The following NARF variants were observed in gnomAD, a reference collection of about 807,000 sequenced individuals.
NARF encodes nuclear prelamin A recognition factor.
NARF carries 41 observed loss-of-function variants against 48.0 expected under a neutral mutation model. The ratio of observed to expected loss-of-function variants is 0.85; its 90% CI spans 0.66 to 1.11. NARF has a LOEUF of 1.11. Ranked by LOEUF, NARF falls within the 50% of genes least tolerant of loss-of-function variation. NARF has a pLI of 0.00. For synonymous variants in NARF, 215 were observed against 225.5 expected, an observed-to-expected ratio of 0.95 and a Z score of 0.42; for missense variants, 613 against 590.2, an observed-to-expected ratio of 1.04 and a Z score of -0.40.
intron 6 of NARF, chr17:82,480,488 A>C (rs1241645759): frequency 2.5e-6 from 1 of 402,008 alleles, no homozygotes; most frequent in Non-Finnish European, 4.4e-6. Flanking sequence ...GTTTGGGAGG[A>C]CCACACCCAG....
intron 1 of NARF, chr17:82,459,103 G>C (rs2043363294): frequency 8.4e-7 from 1 of 1,186,766 alleles, no homozygotes; most frequent in African/African-American, 1.6e-5. Flanking sequence ...CGAGCCTCTC[G>C]TGCCGCGCAC....
At position 82,488,002 on chromosome 17, in the gene NARF, G is replaced by A. The variant is rs1337850435; in HGVS notation, c.1216G>A (p.Asp406Asn). The change falls in exon 11 of 11, where the codon GAC becomes AAC. Residue 406 changes from aspartate (D) to asparagine (N), a missense_variant. By Grantham distance (23) the Asp-to-Asn change is conservative. Coordinates refer to ENST00000309794, the MANE Select transcript of NARF (RefSeq NM_012336.4). ...GCGGCAGATGGAAGGCATTTACGCT[G>A]ACATCCCTGTGCGGCGTCCGGAGTC... The part of the protein sequence containing the change: ...LLRQMEGIYA[D>N]IPVRRPESSA... The A allele has an allele frequency of 2.5e-6, 4 of 1,614,070 alleles. No homozygotes were observed. Among genetic ancestry groups the A allele is most frequent in the Admixed American group, 3.3e-5 (2 of 60,006 alleles).
rs150591186 is a variant in NARF, at chr17:82,480,261, A to C, written c.640-821A>C. On this transcript the variant is annotated intron_variant, in intron 6 of 10. Coordinates refer to ENST00000309794, the MANE Select transcript of NARF (RefSeq NM_012336.4). ...GGGCATCGCTTGGGAAGATTCAGGA[A>C]AGTCTGTGGGTGAAGTAGCCAGCGC... is the stretch of plus-strand genomic sequence containing the variant. 92 of 393,946 alleles carry C rather than the reference A, an allele frequency of 2.3e-4. 1 individual carries two copies. The Middle Eastern group carries it at 8.0e-3, about 34-fold the overall frequency. 24.4% of individuals were successfully genotyped at this position (393,946 alleles called of 1,614,324 possible). A position where few individuals can be genotyped will look rare whatever the true frequency, so the allele number is the denominator to read the frequency against.
Position 82,469,034 on chromosome 17 carries a change from T to C in NARF, c.385+138T>C, listed in dbSNP as rs973126704. ...AGTCTCTTGGAACGTAAAAAGACCA[T>C]GTCCCGTGTGTCATGAAACCCAGCC... On this transcript the variant is annotated intron_variant, in intron 4 of 10. Transcript: ENST00000309794. 6.5e-6 allele frequency: 6 copies of C among 928,020 alleles called. No homozygotes were observed. In the African/African-American group the frequency reaches 8.4e-5, roughly 13 times the overall value. 57.5% of individuals were successfully genotyped at this position (928,020 alleles called of 1,614,324 possible).
intron 7 of NARF, 144 bp downstream of exon 7, chr17:82,481,355 G>T: frequency 7.9e-7 from 1 of 1,263,016 alleles, no homozygotes; most frequent in Non-Finnish European, 1.1e-6. Context: ...ACAGCTGAGG[G>T]TCCTAGGGGC....
At chr17:82,458,707 G>C, upstream of NARF, 1 of 1,400,772 alleles carries the variant, frequency 7.1e-7, no homozygotes. Context: ...CGTCGGGGGA[G>C]GACAACAAAG....
intron 6 of NARF, among the ~76,000 whole-genome samples, chr17:82,479,562 G>A (rs891492405): frequency 5.3e-5 from 8 of 152,120 alleles, no homozygotes; most frequent in African/African-American, 1.9e-4. Flanking sequence ...CACCCTCAAA[G>A]GGACCCTAAT....
intron 4 of NARF, among the ~76,000 whole-genome samples, chr17:82,471,791 C>CAAAAAAAAAAAAAAAA (rs58302009): frequency 1.4e-4 from 9 of 64,598 alleles, no homozygotes; most frequent in African/African-American, 1.8e-4. Flanking sequence ...GACTCCGTCT[C>CAAAAAAAAAAAAAAAA]AAAAAAAAAA....
At chr17:82,474,856 A>T (rs2043798307) in intron 5 of NARF, among the ~76,000 whole-genome samples, 2 of 152,208 alleles carry the variant, frequency 1.3e-5, no homozygotes, top group African/African-American at 4.8e-5. Context: ...TCTCAGCTCC[A>T]GATGGGGACA....
Position 82,485,545 on chromosome 17 carries a change from G to C in NARF, c.1020G>C (p.Val340=), listed in dbSNP as rs1465587633. 2 of 1,614,132 alleles carry C rather than the reference G, an allele frequency of 1.2e-6. No homozygotes were observed. Among genetic ancestry groups the C allele is most frequent in the Non-Finnish European group, 8.5e-7 (1 of 1,180,046 alleles). Residue 340 remains valine, a synonymous_variant, in exon 10 of 11, where the codon GTG becomes GTC. Coordinates refer to ENST00000309794, the MANE Select transcript of NARF (RefSeq NM_012336.4). ...CCCTTGAGAAGAACGGAGAGGTGGTGTTACGCTTTGCTGCAGCCTATGGCT... is the reference window on the plus strand; with the variant it reads ...CCCTTGAGAAGAACGGAGAGGTGGTCTTACGCTTTGCTGCAGCCTATGGCT... ...EVTLEKNGEV[V]LRFAAAYGFR...
chr17:82,470,645 C>T (rs995732961), intron 4 of NARF, among the ~76,000 whole-genome samples: 1 of 151,942 alleles, frequency 6.6e-6, no homozygotes, highest in Non-Finnish European at 1.5e-5. Context: ...CAGGCGCCCG[C>T]CACCACGCCC....
At chr17:82,476,241 C>T (rs949442788) in intron 5 of NARF, among the ~76,000 whole-genome samples, 1 of 152,150 alleles carries the variant, frequency 6.6e-6, no homozygotes, top group Non-Finnish European at 1.5e-5. Context: ...CTCCTGACCT[C>T]AGGTGATCGC....
intron 3 of NARF, chr17:82,468,488 G>C: frequency 2.6e-6 from 1 of 381,612 alleles, no homozygotes; most frequent in East Asian, 5.7e-5. Flanking sequence ...TCAGCCTCCT[G>C]TGTAGCTGGA....
chr17:82,476,276 G>A (rs1373623609), intron 5 of NARF, among the ~76,000 whole-genome samples: 1 of 152,172 alleles, frequency 6.6e-6, no homozygotes, highest in Admixed American at 6.5e-5. Context: ...CAAAGTGCTG[G>A]GATTACAGGC....
chr17:82,459,033 G>T (rs974282229), intron 1 of NARF: 32 of 1,207,774 alleles, frequency 2.6e-5, no homozygotes, highest in Non-Finnish European at 3.2e-5. Context: ...CGGTCTTCGC[G>T]GTTCTCCCTG....
At chr17:82,483,410 G>C (rs540230532) in intron 7 of NARF, 1 of 350,584 alleles carries the variant, frequency 2.9e-6, no homozygotes, top group Non-Finnish European at 5.4e-6. Flanking sequence ...TTCATGCAAA[G>C]TAGGCCAAAA....
upstream of NARF, chr17:82,458,501 C>A (rs28365944): frequency 8.2e-6 from 3 of 365,500 alleles, no homozygotes; most frequent in South Asian, 8.0e-5. Flanking sequence ...CCCGGTCCCC[C>A]CGGCGCCGTA....
chr17:82,472,641 T>C lies in NARF; in HGVS notation c.463T>C (p.Tyr155His). ...GAGTCAAAAAGAATTCGTGCGTCGC[T>C]ATCGCCAGCACAGTGAGGAGGAACG... ...LESQKEFVRR[Y>H]RQHSEEERTL... The change falls in exon 5 of 11, where the codon TAT becomes CAT. Residue 155 changes from tyrosine to histidine, a missense_variant. Physicochemically the swap from Tyr to His is moderately conservative, Grantham distance 83 (BLOSUM62 2). Coordinates refer to ENST00000309794, the MANE Select transcript of NARF (RefSeq NM_012336.4). The C allele has an allele frequency of 4.3e-6, 7 of 1,614,038 alleles. No homozygotes were observed. The highest frequency in any genetic ancestry group is 5.1e-6 in the Non-Finnish European group (6 of 1,179,970).
At chr17:82,473,758 A>G (rs1486505623) in intron 5 of NARF, among the ~76,000 whole-genome samples, 1 of 150,830 alleles carries the variant, frequency 6.6e-6, no homozygotes, top group East Asian at 2.0e-4. Context: ...GGGTTTCGCC[A>G]TGTTGCCCAG....
Sources: allele counts gnomAD v4.1 joint callset (sites outside exome capture counted in the v4.1 genomes callset), GRCh38; gene constraint gnomAD v4.1.1; transcripts MANE v1.5; gene names NCBI Gene and HGNC (gene_info 2026-07-23, HGNC 2026-07-21).